The following ZSCAN32 variants were observed in gnomAD, a reference collection of about 807,000 sequenced individuals.
The protein encoded by ZSCAN32 is zinc finger and SCAN domain containing 32.
A neutral mutation model predicts 47.4 loss-of-function variants in ZSCAN32; 52 were observed. The ratio of observed to expected loss-of-function variants is 1.10; its 90% confidence interval spans 0.88 to 1.38. ZSCAN32 has a LOEUF of 1.38. Among genes scored for constraint, ZSCAN32 ranks in the 40% most tolerant of loss-of-function variants. ZSCAN32 has a pLI of 0.00. For missense variants in ZSCAN32, 959 were observed against 846.0 expected (o/e 1.13, Z -1.66); for synonymous variants, 346 against 305.7 (o/e 1.13, Z -1.38).
intron 5 of ZSCAN32, among the ~76,000 whole-genome samples, chr16:3,386,555 T>C (rs1410539938): frequency 6.6e-6 from 1 of 152,116 alleles, no homozygotes; most frequent in Non-Finnish European, 1.5e-5. Flanking sequence ...TGTCCAACAA[T>C]GATAGACTGG....
At chr16:3,384,058 A>G (rs575883086) in intron 6 of ZSCAN32, 2 of 443,298 alleles carry the variant, frequency 4.5e-6, no homozygotes, top group Non-Finnish European at 7.9e-6. Flanking sequence ...CAGAATAACA[A>G]AAGGCAACCC....
At chr16:3,391,716 T>G (rs1310633215) in intron 3 of ZSCAN32, among the ~76,000 whole-genome samples, 2 of 151,078 alleles carry the variant, frequency 1.3e-5, no homozygotes, top group Non-Finnish European at 2.9e-5. Context: ...TAAAATCTCT[T>G]AGACAATTTT....
Position 3,393,829 on chromosome 16 carries a change from C to T in ZSCAN32, c.367-15G>A. ...GAATCTAGAACCTGAGAACAGACCC[C>T]ATTATCTATCACTACAAATTCCTGC... On this transcript the variant is annotated splice_polypyrimidine_tract_variant and intron_variant, in intron 2 of 6. Coordinates refer to ENST00000396852, the MANE Select transcript of ZSCAN32 (RefSeq NM_001284527.2). The T allele has an allele frequency of 6.5e-7, 1 of 1,529,362 alleles. No homozygotes were observed. The highest frequency in any genetic ancestry group is 8.8e-7 in the Non-Finnish European group (1 of 1,132,270). The allele number at this position is 1,529,362 out of a possible 1,614,324, so 94.7% of individuals were successfully genotyped here.
chr16:3,398,131 C>T (rs1231114383), intron 1 of ZSCAN32, among the ~76,000 whole-genome samples: 3 of 152,134 alleles, frequency 2.0e-5, no homozygotes, highest in African/African-American at 7.2e-5. Flanking sequence ...TGAGAGGGGC[C>T]TGAATTCTGC....
chr16:3,397,665 C>A lies in ZSCAN32; in HGVS notation c.-108G>T. 1 of 1,389,862 alleles carries A rather than the reference C, an allele frequency of 7.2e-7. No homozygotes were observed. The allele number at this position is 1,389,862 out of a possible 1,614,324, so 86.1% of individuals were successfully genotyped here. A position where few individuals can be genotyped will look rare whatever the true frequency, so the allele number is the denominator to read the frequency against. On this transcript the variant is annotated 5_prime_UTR_variant, in exon 2 of 7. Coordinates refer to ENST00000396852, the MANE Select transcript of ZSCAN32 (RefSeq NM_001284527.2). ...ATGTTCTCCTGCAAGGAATGTCTTT[C>A]TGTAATCCGTGGGACATGAGAGTGT...
chr16:3,393,778 T>TC lies in ZSCAN32; in HGVS notation c.402dup (p.Lys135GlufsTer29). The TC allele has an allele frequency of 1.3e-6, 2 of 1,550,074 alleles. No individual in the cohort carries two copies. The highest frequency in any genetic ancestry group is 1.7e-6 in the Non-Finnish European group (2 of 1,146,670). ...GTTGCTCCCAAAGGGGCCATCTCCT[T>TC]CATGAGTACTTTCAAGTCCTTCTCA... On this transcript the variant is annotated frameshift_variant, in exon 3 of 7. Coordinates refer to ENST00000396852, the MANE Select transcript of ZSCAN32 (RefSeq NM_001284527.2). LOFTEE classifies it high-confidence loss of function.
intron 3 of ZSCAN32, among the ~76,000 whole-genome samples, chr16:3,392,068 C>T (rs2032768065): frequency 6.6e-6 from 1 of 152,204 alleles, no homozygotes; most frequent in Non-Finnish European, 1.5e-5. Context: ...ATGGAATATT[C>T]AGCCATCAAA....
intron 3 of ZSCAN32, among the ~76,000 whole-genome samples, chr16:3,392,373 CA>C (rs1358792533): frequency 1.3e-4 from 15 of 113,238 alleles, no homozygotes; most frequent in Non-Finnish European, 2.3e-4. Flanking sequence ...TCAATTAAAA[CA>C]ATTTTTTTTT....
rs1037420091 is a variant in ZSCAN32, at chr16:3,385,053, G to A, written c.752-112C>T. 1.2e-4 allele frequency: 152 copies of A among 1,288,684 alleles called. 1 individual carries two copies. Among genetic ancestry groups the A allele is most frequent in the Non-Finnish European group, 1.5e-4 (140 of 939,686 alleles). The allele number at this position is 1,288,684 out of a possible 1,614,324, so 79.8% of individuals were successfully genotyped here. A position where few individuals can be genotyped will look rare whatever the true frequency, so the allele number is the denominator to read the frequency against. ...AAAAGTTACATCCTAGGCTGGATGC[G>A]GTGGCTCACACCTGTAATCCCAGCA... On this transcript the variant is annotated intron_variant, in intron 5 of 6. Coordinates refer to ENST00000396852, the MANE Select transcript of ZSCAN32 (RefSeq NM_001284527.2).
rs1596437623 is a variant in ZSCAN32 at position 3,383,144 on chromosome 16, C to T, written c.1802G>A (p.Gly601Glu). The part of the protein sequence containing the change: ...SLIVHQRTHT[G>E]EKPYQCIVCG... ...GACAATGCACTGGTAAGGCTTTTCC[C>T]CGGTATGGGTCCTCTGGTGGACAAT... Residue 601 changes from glycine to glutamate, a missense_variant, in exon 7 of 7, where the codon GGG becomes GAG. Coordinates refer to ENST00000396852, the MANE Select transcript of ZSCAN32 (RefSeq NM_001284527.2). 6.2e-7 allele frequency: 1 copy of T among 1,614,172 alleles called. No homozygotes were observed. The highest frequency in any genetic ancestry group is 8.5e-7 in the Non-Finnish European group (1 of 1,180,026).
intron 3 of ZSCAN32, among the ~76,000 whole-genome samples, chr16:3,392,553 C>T (rs963169809): frequency 1.3e-5 from 2 of 151,746 alleles, no homozygotes; most frequent in African/African-American, 2.4e-5. Flanking sequence ...TAAGGCCAGG[C>T]GTGGTGGCTC....
rs2031549427 is a variant in ZSCAN32, at chr16:3,383,656, C to T, written c.1290G>A (p.Glu430=). The T allele has an allele frequency of 1.9e-6, 3 of 1,609,450 alleles. No individual in the cohort carries two copies. The highest frequency in any genetic ancestry group is 2.5e-6 in the Non-Finnish European group (3 of 1,179,352). ...KKENLKWDDS[E]EVEINKALQR... ...GTAAAGCCTTGTTTATTTCTACTTC[C>T]TCTGAATCATCCCATTTTAGATTTT... is the stretch of plus-strand genomic sequence containing the variant. The change falls in exon 7 of 7, where the codon GAG becomes GAA. Residue 430 remains glutamate (E), a synonymous_variant. Transcript: ENST00000396852.
Position 3,397,175 on chromosome 16 carries a change from C to T in ZSCAN32, c.366+17G>A, listed in dbSNP as rs1435134782. 6.0e-6 allele frequency: 9 copies of T among 1,491,486 alleles called. No homozygotes were observed. The highest frequency in any genetic ancestry group is 7.1e-6 in the Non-Finnish European group (8 of 1,120,162). The allele number at this position is 1,491,486 out of a possible 1,614,324, so 92.4% of individuals were successfully genotyped here. ...CTTCATAACCAAAACCACAAAGTTC[C>T]GACTTCCTTTTCTCACCTGTTGTCC... On this transcript the variant is annotated intron_variant, in intron 2 of 6. Coordinates refer to ENST00000396852, the MANE Select transcript of ZSCAN32 (RefSeq NM_001284527.2).
intron 1 of ZSCAN32, among the ~76,000 whole-genome samples, chr16:3,399,216 T>G (rs1596243773): frequency 6.6e-6 from 1 of 152,234 alleles, no homozygotes; most frequent in African/African-American, 2.4e-5. Context: ...AGAGCGAGAC[T>G]GTCTCAAAAA....
chr16:3,396,100 A>C (rs2033348031), intron 2 of ZSCAN32, among the ~76,000 whole-genome samples: 1 of 152,180 alleles, frequency 6.6e-6, no homozygotes, highest in African/African-American at 2.4e-5. Context: ...CTGGGCTAGG[A>C]TGACTCTTGG....
chr16:3,384,602 C>G lies in ZSCAN32; in HGVS notation c.1091G>C (p.Gly364Ala). 2 of 1,614,178 alleles carry G rather than the reference C, an allele frequency of 1.2e-6. No homozygotes were observed. Among genetic ancestry groups the G allele is most frequent in the East Asian group, 2.2e-5 (1 of 44,882 alleles). ...TTCCCCATTCTGGTGATTCAGCTCT[C>G]CAGCCTCAATATCACTTCCTTCTTG... ...PGQEGSDIEAGELNHQNGEPT... is the reference protein window; with the variant it reads ...PGQEGSDIEAAELNHQNGEPT... Residue 364 changes from glycine (G) to alanine (A), a missense_variant, in exon 6 of 7, where the codon GGA (glycine) becomes GCA (alanine). Transcript: ENST00000396852.
At chr16:3,383,911 A>G (rs1270429706) in intron 6 of ZSCAN32, 200 bp from the exon 7 acceptor site, 8 of 631,534 alleles carry the variant, frequency 1.3e-5, no homozygotes, top group Non-Finnish European at 2.0e-5. Flanking sequence ...ATTATGCCCT[A>G]AACTCCAACT....
intron 3 of ZSCAN32, 124 bp downstream of exon 3, chr16:3,393,525 G>A (rs1195703186): frequency 1.4e-5 from 14 of 980,986 alleles, no homozygotes; most frequent in Admixed American, 3.3e-5. Flanking sequence ...ACGCCCTGCC[G>A]GTTTTTGGAT....
rs778787710 is a variant in ZSCAN32 at position 3,384,935 on chromosome 16, C to G, written c.758G>C (p.Gly253Ala). 6.8e-6 allele frequency: 11 copies of G among 1,611,042 alleles called. No homozygotes were observed. The highest frequency in any genetic ancestry group is 9.3e-6 in the Non-Finnish European group (11 of 1,179,006). The change falls in exon 6 of 7, where the codon GGT (glycine) becomes GCT (alanine). Residue 253 changes from glycine to alanine, a missense_variant. Coordinates refer to ENST00000396852, the MANE Select transcript of ZSCAN32 (RefSeq NM_001284527.2). ...GGTCTCTTCATAGCCCCAGGGCACACCTGTTGCTGGGGGACAAAGAATAGG... is the reference window on the plus strand; with the variant it reads ...GGTCTCTTCATAGCCCCAGGGCACAGCTGTTGCTGGGGGACAAAGAATAGG... ...RKDSHVSLAT[G>A]VPWGYEETKT...
Sources: gnomAD v4.1 joint callset for allele counts (sites outside exome capture counted in the v4.1 genomes callset) on GRCh38, gnomAD v4.1.1 for gene constraint, MANE v1.5 for transcripts, NCBI Gene and HGNC (gene_info 2026-07-23, HGNC 2026-07-21) for gene names.